PRKCZ: variants seen among roughly 807,000 people sequenced by gnomAD.
PRKCZ encodes the protein protein kinase C zeta type.
PRKCZ carries 33 observed loss-of-function variants against 79.5 expected under a neutral mutation model. That is an observed-to-expected ratio of 0.41 (90% CI 0.31 to 0.55). The LOEUF (loss-of-function observed/expected upper bound fraction) is 0.55. Ranked by LOEUF, PRKCZ falls within the 20% of genes least tolerant of loss-of-function variation. The pLI is 0.19. For missense variants in PRKCZ, 578 were observed against 813.5 expected (o/e 0.71, Z 3.52); for synonymous variants, 342 against 320.9 (o/e 1.07, Z -0.70).
intron 1 of PRKCZ, among the ~76,000 whole-genome samples, chr1:2,052,614 A>G (rs1659785443): frequency 6.6e-6 from 1 of 151,710 alleles, no homozygotes; most frequent in Non-Finnish European, 1.5e-5. Context: ...TCTCTGCTGC[A>G]GAGTGTGAAG....
chr1:2,135,347 G>A lies in PRKCZ; in HGVS notation c.420G>A (p.Arg140=). ...GHLFQAKRFN[R]RAYCGQCSER... is the part of the protein sequence containing the mutation. Reference sequence around the variant, plus strand: ...TCTTCCAAGCCAAGCGCTTTAACAGGGTGAGTGGCCCCCTTGGGACTAGTC... The same window carrying A: ...TCTTCCAAGCCAAGCGCTTTAACAGAGTGAGTGGCCCCCTTGGGACTAGTC... The change falls in exon 5 of 18, where the codon AGG becomes AGA. Residue 140 remains arginine, a splice_region_variant and synonymous_variant. Coordinates refer to ENST00000378567, the MANE Select transcript of PRKCZ (RefSeq NM_002744.6). The A allele has an allele frequency of 1.2e-6, 2 of 1,609,834 alleles. No individual in the cohort carries two copies. The highest frequency in any genetic ancestry group is 1.7e-6 in the Non-Finnish European group (2 of 1,177,320).
chr1:2,118,751 G>GTGTGTT (rs1671263873), intron 4 of PRKCZ, among the ~76,000 whole-genome samples: 1 of 142,694 alleles, frequency 7.0e-6, no homozygotes, highest in South Asian at 2.1e-4. Flanking sequence ...GTGTGTGTGT[G>GTGTGTT]TGTGAGATGA....
chr1:2,069,078 C>T (rs929959796), intron 4 of PRKCZ, among the ~76,000 whole-genome samples: 7 of 152,258 alleles, frequency 4.6e-5, no homozygotes, highest in South Asian at 2.1e-4. Flanking sequence ...CCGCCAGCCA[C>T]ATCTTGAACG....
intron 10 of PRKCZ, among the ~76,000 whole-genome samples, chr1:2,162,554 C>T (rs1370788123): frequency 6.6e-6 from 1 of 152,194 alleles, no homozygotes; most frequent in Non-Finnish European, 1.5e-5. Flanking sequence ...TCACTCACAT[C>T]CTCTTTCAGG....
In PRKCZ at chr1:2,177,652, C is replaced by T. The variant is rs1051257103; in HGVS notation, c.1575+2339C>T. Among the ~76,000 whole-genome samples, 10 of 152,190 alleles carry T rather than the reference C, an allele frequency of 6.6e-5. No individual in the cohort carries two copies. Among genetic ancestry groups the T allele is most frequent in the Admixed American group, 3.9e-4 (6 of 15,284 alleles). ...TTGGCCTCTAGCTGGGAGAGGTCTG[C>T]GTCCCTGCAGCGAGCACGCCAGGTG... On this transcript the variant is annotated intron_variant, in intron 16 of 17. Coordinates refer to ENST00000378567, the MANE Select transcript of PRKCZ (RefSeq NM_002744.6). This position sits in a 1 kb window ranked among gnomAD's most constrained non-coding sequence, Gnocchi z 6.4.
intron 5 of PRKCZ, chr1:2,143,961 G>A: frequency 2.2e-6 from 1 of 462,154 alleles, no homozygotes; most frequent in South Asian, 2.9e-5. Context: ...CCTCCCCTGT[G>A]TCCCCTCATG....
chr1:2,066,402 G>A (rs1283970333), intron 4 of PRKCZ, among the ~76,000 whole-genome samples: 3 of 152,168 alleles, frequency 2.0e-5, no homozygotes, highest in Non-Finnish European at 2.9e-5. Flanking sequence ...GAGTGCAGTG[G>A]CTCGATCTCA....
intron 4 of PRKCZ, among the ~76,000 whole-genome samples, chr1:2,062,931 A>G (rs1035236765): frequency 1.3e-5 from 2 of 151,968 alleles, no homozygotes; most frequent in African/African-American, 2.4e-5. Flanking sequence ...CTCACTCCCC[A>G]TTCTGCCTCC....
chr1:2,114,844 T>C (rs1285710409), intron 4 of PRKCZ, among the ~76,000 whole-genome samples: 1 of 152,262 alleles, frequency 6.6e-6, no homozygotes, highest in Non-Finnish European at 1.5e-5. Flanking sequence ...GGGTTTCAGC[T>C]TTTCTTATGG....
In PRKCZ at chr1:2,125,637, A is replaced by C. The variant is rs919644088; in HGVS notation, c.335-9625A>C. ...ATGCTCCCAGGGAACCCAAGAAAAG[A>C]CTGAGACCCTGTGGTGCCTCCCGCT... On this transcript the variant is annotated intron_variant, in intron 4 of 17. Coordinates refer to ENST00000378567, the MANE Select transcript of PRKCZ (RefSeq NM_002744.6). The surrounding 1 kb of genome is among the most constrained non-coding windows in gnomAD (Gnocchi z 4.2). Among the ~76,000 whole-genome samples the C allele has an allele frequency of 6.6e-6, 1 of 152,176 alleles. No individual in the cohort carries two copies. The highest frequency in any genetic ancestry group is 1.5e-5 in the Non-Finnish European group (1 of 68,022).
chr1:2,146,029 T>A lies in PRKCZ; in HGVS notation c.555T>A (p.Asp185Glu). 1 of 1,612,708 alleles carries A rather than the reference T, an allele frequency of 6.2e-7. No homozygotes were observed. The highest frequency in any genetic ancestry group is 8.5e-7 in the Non-Finnish European group (1 of 1,178,710). The change falls in exon 7 of 18, where the codon GAT (aspartate) becomes GAA (glutamate). Residue 185 changes from aspartate (D) to glutamate (E), a missense_variant and splice_region_variant. Physicochemically the swap from Asp to Glu is conservative, Grantham distance 45. Around this residue, in one of 4 missense-constraint regions of PRKCZ, gnomAD observed 91 missense variants for 97.5 expected, o/e 0.93. Coordinates refer to ENST00000378567, the MANE Select transcript of PRKCZ (RefSeq NM_002744.6). Reference sequence around the variant, plus strand: ...CCATCTCTGTGTCTCTCCGGCAGGATTCTGTCATGCCTTCCCAAGAGCCTC... The same window carrying A: ...CCATCTCTGTGTCTCTCCGGCAGGAATCTGTCATGCCTTCCCAAGAGCCTC... ...LVPLTCRKHM[D>E]SVMPSQEPPV...
At position 2,127,848 on chromosome 1, in the gene PRKCZ, C is replaced by T. The variant is rs1674247308; in HGVS notation, c.335-7414C>T. On this transcript the variant is annotated intron_variant, in intron 4 of 17. Transcript: ENST00000378567. The surrounding 1 kb of genome is among the most constrained non-coding windows in gnomAD (Gnocchi z 5.1). Reference sequence around the variant, plus strand: ...CTGAGTCAGGTGAGGTGGGGAGTCCCACCCCAAACCCCAAACTCCAGTGTC... The same window carrying T: ...CTGAGTCAGGTGAGGTGGGGAGTCCTACCCCAAACCCCAAACTCCAGTGTC... 6.6e-6 allele frequency among the ~76,000 whole-genome samples: 1 copy of T among 152,196 alleles called. No individual in the cohort carries two copies. The highest frequency in any genetic ancestry group is 2.4e-5 in the African/African-American group (1 of 41,444).
intron 16 of PRKCZ, 152 bp from the exon 17 acceptor site, chr1:2,184,431 G>T (rs1209769246): frequency 5.0e-6 from 3 of 600,748 alleles, no homozygotes; most frequent in Non-Finnish European, 8.7e-6. Flanking sequence ...ATTTTGTGTT[G>T]TAAGAAAAAA....
rs563311803 is a variant in PRKCZ, at chr1:2,118,441, C to T, written c.335-16821C>T. Among the ~76,000 whole-genome samples the T allele has an allele frequency of 5.3e-5, 8 of 151,096 alleles. No individual in the cohort carries two copies. In the East Asian group the frequency reaches 1.6e-3, roughly 30 times the overall value. ...CAAGCTCTGCCTCCTGGGTTCACGC[C>T]ATTCTCCTGCCTCAGCCTCCTGAGT... is the stretch of plus-strand genomic sequence containing the variant. On this transcript the variant is annotated intron_variant, in intron 4 of 17. Transcript: ENST00000378567.
At chr1:2,051,843 TTGTC>T (rs545257455) in intron 1 of PRKCZ, among the ~76,000 whole-genome samples, 94 of 152,168 alleles carry the variant, frequency 6.2e-4, no homozygotes, top group Non-Finnish European at 1.2e-3. Context: ...GGAGGCTCAA[TTGTC>T]TCTTCTTTGG....
At chr1:2,146,987 G>T (rs929854859) in intron 7 of PRKCZ, among the ~76,000 whole-genome samples, 1 of 150,638 alleles carries the variant, frequency 6.6e-6, no homozygotes, top group African/African-American at 2.5e-5. Context: ...ATCTATCCAC[G>T]ATCCATCCAT....
At chr1:2,097,068 C>G (rs1458201882) in intron 4 of PRKCZ, among the ~76,000 whole-genome samples, 1 of 152,238 alleles carries the variant, frequency 6.6e-6, no homozygotes, top group African/African-American at 2.4e-5. Context: ...GACTCCGACT[C>G]CATTCTTCAG....
At chr1:2,156,144 G>T (rs1382658921) in intron 10 of PRKCZ, 52 bp downstream of exon 10, 2 of 1,506,502 alleles carry the variant, frequency 1.3e-6, no homozygotes, top group Non-Finnish European at 1.8e-6. Context: ...GATGTGAACT[G>T]CACAGAAGCT....
Position 2,168,821 on chromosome 1 carries a change from T to C in PRKCZ, c.975-697T>C. ...TGACCTAAAAAAACCCGCCACAGGGTATTTCTGGGAGATTGTATGAGAATT... is the reference window on the plus strand; with the variant it reads ...TGACCTAAAAAAACCCGCCACAGGGCATTTCTGGGAGATTGTATGAGAATT... On this transcript the variant is annotated intron_variant, in intron 10 of 17. Coordinates refer to ENST00000378567, the MANE Select transcript of PRKCZ (RefSeq NM_002744.6). The surrounding 1 kb of genome is among the most constrained non-coding windows in gnomAD (Gnocchi z 4.7). 4.9e-6 allele frequency: 1 copy of C among 202,418 alleles called. No individual in the cohort carries two copies. The highest frequency in any genetic ancestry group is 5.4e-5 in the Admixed American group (1 of 18,618). 12.5% of individuals were successfully genotyped at this position (202,418 alleles called of 1,614,324 possible).
Sources: allele counts gnomAD v4.1 joint callset (sites outside exome capture counted in the v4.1 genomes callset), GRCh38; gene constraint gnomAD v4.1.1; regional missense constraint gnomAD v4.1.1; non-coding constraint Gnocchi (gnomAD v3.1); transcripts MANE v1.5; gene names NCBI Gene and HGNC (gene_info 2026-07-23, HGNC 2026-07-21).